Variants in PIK3R3 observed in about 807,000 individuals in gnomAD.
The protein encoded by PIK3R3 is phosphoinositide-3-kinase regulatory subunit 3, also known as phosphatidylinositol 3-kinase regulatory subunit gamma.
PIK3R3 carries 64 observed loss-of-function variants against 62.9 expected under a neutral mutation model. The ratio of observed to expected loss-of-function variants is 1.02; its 90% CI spans 0.83 to 1.25. PIK3R3 has a LOEUF of 1.25. Ranked by LOEUF, PIK3R3 falls within the 50% of genes most tolerant of loss-of-function variation. The pLI, the probability that PIK3R3 is intolerant of heterozygous loss-of-function variation, is 0.00. For missense variants in PIK3R3, 614 were observed against 561.6 expected (o/e 1.09, Z -0.94); for synonymous variants, 165 against 189.0 (o/e 0.87, Z 1.04).
intron 7 of PIK3R3, 42 bp from the exon 8 acceptor site, chr1:46,046,667 C>CT: frequency 7.3e-7 from 1 of 1,374,320 alleles, no homozygotes; most frequent in Non-Finnish European, 1.0e-6. Context: ...CATGCAAACT[C>CT]TGACTGGACA....
chr1:46,121,191 T>C (rs1654643582), intron 1 of PIK3R3, among the ~76,000 whole-genome samples: 1 of 152,224 alleles, frequency 6.6e-6, no homozygotes, highest in Non-Finnish European at 1.5e-5. Flanking sequence ...GTTCTGTTGC[T>C]TGCAGCTGAA....
chr1:46,091,207 C>A (rs1275322961), intron 1 of PIK3R3, among the ~76,000 whole-genome samples: 1 of 147,530 alleles, frequency 6.8e-6, no homozygotes. Flanking sequence ...ATGGTGCAAT[C>A]TCGGCTCACT....
intron 3 of PIK3R3, among the ~76,000 whole-genome samples, chr1:46,070,729 C>T (rs748071646): frequency 3.3e-5 from 5 of 152,094 alleles, no homozygotes; most frequent in Non-Finnish European, 5.9e-5. Flanking sequence ...GGTGACTACA[C>T]TGGAGGAAGA....
Position 46,105,154 on chromosome 1 carries a change from G to A in PIK3R3, c.107-24404C>T, listed in dbSNP as rs566544948. On this transcript the variant is annotated intron_variant, in intron 1 of 9. Transcript: ENST00000262741. Reference sequence around the variant, plus strand: ...TGTCCCCTGATGGGAGAGTCACTCCGAAGGAATGGAGAGATCAGTAATCAT... The same window carrying A: ...TGTCCCCTGATGGGAGAGTCACTCCAAAGGAATGGAGAGATCAGTAATCAT... 4.2e-5 allele frequency: 28 copies of A among 668,966 alleles called. 1 individual carries two copies. Among genetic ancestry groups the A allele is most frequent in the South Asian group, 1.6e-4 (10 of 64,036 alleles). The allele number at this position is 668,966 out of a possible 1,614,324, so 41.4% of individuals were successfully genotyped here.
At chr1:46,141,568 G>A in the PIK3R3 span, among the ~76,000 whole-genome samples, 1 of 152,222 alleles carries the variant, frequency 6.6e-6, no homozygotes, top group Non-Finnish European at 1.5e-5. Context: ...ACCGCGTCCA[G>A]CCTTCAAACA....
chr1:46,128,681 C>A (rs995507346), intron 1 of PIK3R3, among the ~76,000 whole-genome samples: 2 of 152,192 alleles, frequency 1.3e-5, no homozygotes, highest in Non-Finnish European at 1.5e-5. Flanking sequence ...CCTGGGCAAG[C>A]TAAGCAGCTC....
chr1:46,157,021 G>A, the PIK3R3 span, among the ~76,000 whole-genome samples: 1 of 152,166 alleles, frequency 6.6e-6, no homozygotes, highest in South Asian at 2.1e-4. Flanking sequence ...AATTACACAG[G>A]AAGTGATGGA....
intron 1 of PIK3R3, among the ~76,000 whole-genome samples, chr1:46,089,213 C>T (rs1233436855): frequency 1.3e-5 from 2 of 152,070 alleles, no homozygotes; most frequent in Non-Finnish European, 2.9e-5. Context: ...AATGGCAATG[C>T]CCAGCATAAT....
In PIK3R3 at chr1:46,042,358, C is replaced by CA. The variant is rs1557542514; in HGVS notation, c.*1314dup. The CA allele has an allele frequency of 4.4e-6, 1 of 229,206 alleles. No individual in the cohort carries two copies. The highest frequency in any genetic ancestry group is 6.2e-5 in the East Asian group (1 of 16,102). The allele number at this position is 229,206 out of a possible 1,614,324, so 14.2% of individuals were successfully genotyped here. A position where few individuals can be genotyped will look rare whatever the true frequency, so the allele number is the denominator to read the frequency against. ...AAAAAAAGGCAAAGAGAAAAGCTTCCAGATGGCTTCTACTAACAGTCTAAA... is the reference window on the plus strand; with the variant it reads ...AAAAAAAGGCAAAGAGAAAAGCTTCCAAGATGGCTTCTACTAACAGTCTAAA... On this transcript the variant is annotated 3_prime_UTR_variant, in exon 10 of 10. Transcript: ENST00000262741. The surrounding 1 kb of genome is among the most constrained non-coding windows in gnomAD (Gnocchi z 4.3).
At chr1:46,091,759 T>C (rs1192441316) in intron 1 of PIK3R3, among the ~76,000 whole-genome samples, 1 of 152,166 alleles carries the variant, frequency 6.6e-6, no homozygotes, top group East Asian at 1.9e-4. Context: ...CCCCTGCAGA[T>C]ACCAAAATCC....
At chr1:46,142,301 C>G in the PIK3R3 span, among the ~76,000 whole-genome samples, 1 of 152,314 alleles carries the variant, frequency 6.6e-6, no homozygotes, top group African/African-American at 2.4e-5. Context: ...GAGCTAGTTC[C>G]TTTTCTAGTT....
chr1:46,153,094 A>T, the PIK3R3 span, among the ~76,000 whole-genome samples: 2 of 152,188 alleles, frequency 1.3e-5, no homozygotes, highest in African/African-American at 4.8e-5. Flanking sequence ...CTTGCCCTAA[A>T]TATCAATTGG....
intron 1 of PIK3R3, chr1:46,131,627 CA>C: frequency 2.7e-6 from 1 of 371,390 alleles, no homozygotes; most frequent in South Asian, 2.0e-5. Context: ...CCCCCACTTC[CA>C]GCCCCCACCC....
chr1:46,074,097 G>A (rs1649810629), intron 3 of PIK3R3, among the ~76,000 whole-genome samples: 1 of 147,646 alleles, frequency 6.8e-6, no homozygotes, highest in Non-Finnish European at 1.5e-5. Context: ...AGATCATCCT[G>A]GCTAACACAG....
At chr1:46,085,717 C>A (rs1282869436) in intron 1 of PIK3R3, among the ~76,000 whole-genome samples, 2 of 152,198 alleles carry the variant, frequency 1.3e-5, no homozygotes, top group Admixed American at 6.5e-5. Context: ...CATTAGTTAT[C>A]TTTTCAACTC....
intron 1 of PIK3R3, among the ~76,000 whole-genome samples, chr1:46,112,210 T>C (rs1014465927): frequency 6.6e-6 from 1 of 152,244 alleles, no homozygotes; most frequent in Non-Finnish European, 1.5e-5. Context: ...GATCTTATTA[T>C]ACACATTTCT....
At chr1:46,127,440 T>C (rs1301436633) in intron 1 of PIK3R3, among the ~76,000 whole-genome samples, 3 of 151,428 alleles carry the variant, frequency 2.0e-5, no homozygotes, top group Non-Finnish European at 4.4e-5. Flanking sequence ...GAATTGTCCA[T>C]TAATTTAAAA....
intron 1 of PIK3R3, among the ~76,000 whole-genome samples, chr1:46,087,605 T>TTA: frequency 6.7e-6 from 1 of 148,940 alleles, no homozygotes; most frequent in South Asian, 2.2e-4. Context: ...TTTTTTTTTT[T>TTA]TTTTTTTTTG....
intron 1 of PIK3R3, among the ~76,000 whole-genome samples, chr1:46,126,507 C>T (rs1013294669): frequency 3.3e-5 from 5 of 150,902 alleles, no homozygotes; most frequent in Admixed American, 2.0e-4. Flanking sequence ...CACTGCACTC[C>T]ACTCTGGGCA....
Sources: allele counts gnomAD v4.1 joint callset (sites outside exome capture counted in the v4.1 genomes callset), GRCh38; gene constraint gnomAD v4.1.1; non-coding constraint Gnocchi (gnomAD v3.1); transcripts MANE v1.5; gene names NCBI Gene and HGNC (gene_info 2026-07-23, HGNC 2026-07-21).